Variants in DLGAP1 observed in about 807,000 individuals in gnomAD.
DLGAP1 encodes disks large-associated protein 1.
Under a neutral mutation model 90.8 loss-of-function variants are expected in DLGAP1, and 11 were observed. The observed-to-expected ratio is 0.12, with a 90% CI of 0.08 to 0.20. DLGAP1 has a LOEUF of 0.20. Among genes scored for constraint, DLGAP1 ranks in the 10% least tolerant of loss-of-function variants. DLGAP1 has a pLI of 1.00. For synonymous variants in DLGAP1, 558 were observed against 540.7 expected (o/e 1.03, Z -0.44); for missense variants, 1,050 against 1,333.8 (o/e 0.79, Z 3.31).
intron 7 of DLGAP1, among the ~76,000 whole-genome samples, chr18:3,694,687 G>A (rs1158597996): frequency 6.6e-6 from 1 of 152,172 alleles, no homozygotes; most frequent in Non-Finnish European, 1.5e-5. Flanking sequence ...GTCTTCTTTT[G>A]AGAAGTGTCT....
At position 3,681,855 on chromosome 18, in the gene DLGAP1, C is replaced by T. The variant is rs569403272; in HGVS notation, c.1591+47280G>A. ...CATTTAAAAGTGTGTGGTGGCTGGG[C>T]GCCGTGGCTCCCAGCACTTTGGGAG... On this transcript the variant is annotated intron_variant, in intron 7 of 12. Coordinates refer to ENST00000315677, the MANE Select transcript of DLGAP1 (RefSeq NM_004746.4). Among the ~76,000 whole-genome samples, 48 of 152,118 alleles carry T rather than the reference C, an allele frequency of 3.2e-4. No homozygotes were observed. The South Asian group carries it at 6.9e-3, about 22-fold the overall frequency.
chr18:4,136,303 T>C (rs1202982243), intron 2 of DLGAP1, among the ~76,000 whole-genome samples: 3 of 152,142 alleles, frequency 2.0e-5, no homozygotes, highest in Admixed American at 6.5e-5. Context: ...TATTTTCAGT[T>C]TTTTGAAGAA....
chr18:3,787,054 A>G (rs2148184171), intron 5 of DLGAP1, among the ~76,000 whole-genome samples: 2 of 152,324 alleles, frequency 1.3e-5, no homozygotes, highest in African/African-American at 4.8e-5. Context: ...TTTGTGCAAC[A>G]AGCAGAAGTA....
chr18:4,172,797 AT>A (rs1159244504), intron 1 of DLGAP1, among the ~76,000 whole-genome samples: 2 of 152,234 alleles, frequency 1.3e-5, no homozygotes, highest in Admixed American at 6.5e-5. Context: ...CAGACATGAC[AT>A]TTTTTCTGCA....
chr18:4,298,304 C>T (rs1169293165), intron 1 of DLGAP1, among the ~76,000 whole-genome samples: 1 of 152,084 alleles, frequency 6.6e-6, no homozygotes, highest in Non-Finnish European at 1.5e-5. Context: ...CAGGTCAAAC[C>T]CATGTTGTTC....
intron 3 of DLGAP1, among the ~76,000 whole-genome samples, chr18:3,886,866 G>A (rs796916967): frequency 1.1e-4 from 16 of 152,316 alleles, no homozygotes; most frequent in African/African-American, 3.8e-4. Flanking sequence ...CTAAAGTGAG[G>A]GGCATACGCT....
chr18:3,527,410 C>CTTTT lies in DLGAP1; in HGVS notation c.2479+6780_2479+6783dup, dbSNP rs3075071. Among the ~76,000 whole-genome samples, 172 of 100,564 alleles carry CTTTT rather than the reference C, an allele frequency of 1.7e-3. 14 individuals carry two copies. The highest frequency in any genetic ancestry group is 4.9e-3 in the African/African-American group (132 of 26,724). 66.0% of individuals were successfully genotyped at this position (100,564 alleles called of 152,430 possible). On this transcript the variant is annotated intron_variant, in intron 10 of 12. Transcript: ENST00000315677. ...GTGAGTAAACAGGTTATTTTCCAAA[C>CTTTT]TTTTTTTTTTTTTTTTTTTTTTGCC... is the stretch of plus-strand genomic sequence containing the variant.
rs1473505713 is a variant in DLGAP1, at chr18:3,822,659, T to C, written c.958-8386A>G. Among the ~76,000 whole-genome samples the C allele has an allele frequency of 5.3e-5, 8 of 152,232 alleles. No individual in the cohort carries two copies. In the East Asian group the frequency reaches 1.2e-3, roughly 22 times the overall value. On this transcript the variant is annotated intron_variant, in intron 4 of 12. Transcript: ENST00000315677. ...AACTGTTCCTTAAAAATTGAACATATGTGTGTGAAGTGCAAATGCCACTGA... is the reference window on the plus strand; with the variant it reads ...AACTGTTCCTTAAAAATTGAACATACGTGTGTGAAGTGCAAATGCCACTGA...
chr18:3,808,892 G>A (rs1225902114), intron 5 of DLGAP1, among the ~76,000 whole-genome samples: 1 of 152,136 alleles, frequency 6.6e-6, no homozygotes, highest in East Asian at 1.9e-4. Flanking sequence ...AGAAATCAAT[G>A]CATTTAAAAT....
intron 8 of DLGAP1, among the ~76,000 whole-genome samples, chr18:3,570,557 C>T (rs1198085900): frequency 6.6e-6 from 1 of 151,862 alleles, no homozygotes; most frequent in Non-Finnish European, 1.5e-5. Flanking sequence ...GGTTGCATGT[C>T]TGGCCTTTCC....
intron 2 of DLGAP1, among the ~76,000 whole-genome samples, chr18:4,058,008 G>T (rs2075246996): frequency 6.6e-6 from 1 of 152,166 alleles, no homozygotes; most frequent in African/African-American, 2.4e-5. Context: ...AAGAACCCTG[G>T]AGTCTGCACT....
intron 7 of DLGAP1, among the ~76,000 whole-genome samples, chr18:3,657,396 T>C (rs2059528900): frequency 6.6e-6 from 1 of 152,204 alleles, no homozygotes; most frequent in African/African-American, 2.4e-5. Flanking sequence ...TCCTATTGAA[T>C]TTCATCTTTC....
chr18:4,390,480 G>A (rs2082319624), intron 1 of DLGAP1, among the ~76,000 whole-genome samples: 1 of 151,972 alleles, frequency 6.6e-6, no homozygotes, highest in Non-Finnish European at 1.5e-5. Flanking sequence ...GTATCATATA[G>A]AATAGTTCCA....
At chr18:4,321,236 A>G (rs1421200604) in intron 1 of DLGAP1, among the ~76,000 whole-genome samples, 1 of 152,240 alleles carries the variant, frequency 6.6e-6, no homozygotes, top group Non-Finnish European at 1.5e-5. Flanking sequence ...AAAATGAGTT[A>G]GTGGAAATGA....
At chr18:4,045,256 C>CA (rs1199171040) in intron 2 of DLGAP1, among the ~76,000 whole-genome samples, 1 of 150,992 alleles carries the variant, frequency 6.6e-6, no homozygotes, top group Non-Finnish European at 1.5e-5. Context: ...TCACTTTCTC[C>CA]AATAAAAAAA....
At chr18:3,589,738 G>A (rs1246743130) in intron 7 of DLGAP1, among the ~76,000 whole-genome samples, 1 of 152,138 alleles carries the variant, frequency 6.6e-6, no homozygotes, top group Non-Finnish European at 1.5e-5. Context: ...AGCTCATGGG[G>A]AAAGCAACCT....
chr18:4,404,786 G>C (rs1175034879), intron 1 of DLGAP1, among the ~76,000 whole-genome samples: 1 of 152,158 alleles, frequency 6.6e-6, no homozygotes, highest in Non-Finnish European at 1.5e-5. Flanking sequence ...AGTCACAGAA[G>C]ACTCTGGCAG....
chr18:4,380,864 C>G lies in DLGAP1; in HGVS notation c.-267+74142G>C, dbSNP rs578016668. Among the ~76,000 whole-genome samples the G allele has an allele frequency of 1.2e-4, 18 of 152,270 alleles. 1 individual carries two copies. In the South Asian group the frequency reaches 3.5e-3, roughly 30 times the overall value. The stretch of plus-strand genomic sequence containing the variant: ...TCTTGAGATATGTTCCAGAAGGCAG[C>G]TTAATGATGCAGCTGCCAATATGGT... On this transcript the variant is annotated intron_variant, in intron 1 of 12. Transcript: ENST00000315677.
At chr18:4,052,882 A>C (rs1459161197) in intron 2 of DLGAP1, among the ~76,000 whole-genome samples, 12 of 152,178 alleles carry the variant, frequency 7.9e-5, no homozygotes, top group Admixed American at 7.9e-4. Flanking sequence ...TCTTTGCTAA[A>C]GCATTGCTGG....
Sources: gnomAD v4.1 joint callset for allele counts (sites outside exome capture counted in the v4.1 genomes callset) on GRCh38, gnomAD v4.1.1 for gene constraint, MANE v1.5 for transcripts, NCBI Gene and HGNC (gene_info 2026-07-23, HGNC 2026-07-21) for gene names.